The following CNTN1 variants were observed in gnomAD, a reference collection of about 807,000 sequenced individuals.
CNTN1 encodes contactin-1.
In CNTN1, 38 loss-of-function variants were observed where a neutral mutation model predicts 126.4. The observed-to-expected ratio is 0.30, with a 90% CI of 0.23 to 0.39. CNTN1 has a LOEUF of 0.39. Among genes scored for constraint, CNTN1 ranks in the 10% least tolerant of loss-of-function variants. The pLI, the probability that CNTN1 is intolerant of heterozygous loss-of-function variation, is 1.00. For missense variants in CNTN1, 1,009 were observed against 1,248.4 expected, an observed-to-expected ratio of 0.81 and a Z score of 2.89; for synonymous variants, 413 against 422.6, an observed-to-expected ratio of 0.98 and a Z score of 0.28.
intron 6 of CNTN1, among the ~76,000 whole-genome samples, chr12:40,929,482 TC>T (rs1466969788): frequency 6.6e-6 from 1 of 152,070 alleles, no homozygotes; most frequent in Non-Finnish European, 1.5e-5. Flanking sequence ...TTCTTAATAG[TC>T]ATGACATTCT....
rs540042686 is a variant in CNTN1 at position 40,750,993 on chromosome 12, A to C, written c.-77+58401A>C. 7.2e-5 allele frequency among the ~76,000 whole-genome samples: 11 copies of C among 152,236 alleles called. No homozygotes were observed. The East Asian group carries it at 2.1e-3, about 29-fold the overall frequency. Reference sequence around the variant, plus strand: ...CTTGAAGAATTTCATTATTTGTTTAAATAATGGAAGAGGAGCCAGCACAGG... The same window carrying C: ...CTTGAAGAATTTCATTATTTGTTTACATAATGGAAGAGGAGCCAGCACAGG... On this transcript the variant is annotated intron_variant, in intron 1 of 23. Coordinates refer to ENST00000551295, the MANE Select transcript of CNTN1 (RefSeq NM_001843.4).
At chr12:40,903,349 A>G (rs1261063692) in intron 1 of CNTN1, among the ~76,000 whole-genome samples, 5 of 150,628 alleles carry the variant, frequency 3.3e-5, no homozygotes, top group African/African-American at 1.2e-4. Flanking sequence ...GAGAAGAAAC[A>G]AGTCTGCTCC....
chr12:40,855,884 C>G (rs1942890109), intron 1 of CNTN1, among the ~76,000 whole-genome samples: 2 of 152,062 alleles, frequency 1.3e-5, no homozygotes, highest in African/African-American at 4.8e-5. Flanking sequence ...TTGTTGAATG[C>G]AAAGAAATGG....
chr12:40,910,656 C>T (rs556759541), intron 3 of CNTN1, among the ~76,000 whole-genome samples: 4 of 152,180 alleles, frequency 2.6e-5, no homozygotes, highest in South Asian at 2.1e-4. Flanking sequence ...CCTGAATTTG[C>T]ATTTTCAGCT....
intron 15 of CNTN1, among the ~76,000 whole-genome samples, chr12:40,963,659 T>G (rs1947189370): frequency 6.6e-6 from 1 of 152,094 alleles, no homozygotes; most frequent in African/African-American, 2.4e-5. Flanking sequence ...AACCAGGTAT[T>G]ACACTTCAGA....
chr12:40,708,382 A>T (rs1211310636), intron 1 of CNTN1, among the ~76,000 whole-genome samples: 1 of 152,240 alleles, frequency 6.6e-6, no homozygotes, highest in Admixed American at 6.5e-5. Context: ...GTCTAAGAAA[A>T]TGTACACTCC....
At chr12:40,780,201 G>A (rs1394350449) in intron 1 of CNTN1, among the ~76,000 whole-genome samples, 1 of 151,834 alleles carries the variant, frequency 6.6e-6, no homozygotes, top group East Asian at 1.9e-4. Context: ...ATTTTAAGAA[G>A]TTGCTACAAT....
At chr12:40,717,395 A>T (rs1565639539) in intron 1 of CNTN1, among the ~76,000 whole-genome samples, 1 of 152,194 alleles carries the variant, frequency 6.6e-6, no homozygotes, top group Non-Finnish European at 1.5e-5. Context: ...CTTTTCACAT[A>T]AAGGGCTTTG....
At chr12:40,952,495 T>C (rs1251367814) in intron 14 of CNTN1, among the ~76,000 whole-genome samples, 2 of 152,086 alleles carry the variant, frequency 1.3e-5, no homozygotes, top group African/African-American at 4.8e-5. Flanking sequence ...GCAGTAACAA[T>C]AGAAGTTATA....
rs11179136 is a variant in CNTN1, at chr12:40,942,861, T to C, written c.1380-736T>C. On this transcript the variant is annotated intron_variant, in intron 12 of 23. Transcript: ENST00000551295. Reference sequence around the variant, plus strand: ...TGAAGATTTTTATCAGTAAGGTAGATAGTTTTGCTTCTTTTATCAGACTTT... The same window carrying C: ...TGAAGATTTTTATCAGTAAGGTAGACAGTTTTGCTTCTTTTATCAGACTTT... Among the ~76,000 whole-genome samples the C allele has an allele frequency of 5.3e-5, 8 of 152,178 alleles. No individual in the cohort carries two copies. The East Asian group carries it at 1.3e-3, about 26-fold the overall frequency.
chr12:40,983,275 G>C (rs1947867628), intron 16 of CNTN1, among the ~76,000 whole-genome samples: 1 of 151,904 alleles, frequency 6.6e-6, no homozygotes, highest in African/African-American at 2.4e-5. Context: ...CAGTTTGATA[G>C]TCTCTGCCTT....
At chr12:40,863,437 A>G (rs1389430969) in intron 1 of CNTN1, among the ~76,000 whole-genome samples, 2 of 152,212 alleles carry the variant, frequency 1.3e-5, no homozygotes, top group Admixed American at 1.3e-4. Context: ...TAAGTATTTG[A>G]CATAGTAAAG....
At chr12:40,762,133 A>G (rs1938887693) in intron 1 of CNTN1, among the ~76,000 whole-genome samples, 1 of 152,220 alleles carries the variant, frequency 6.6e-6, no homozygotes, top group Non-Finnish European at 1.5e-5. Flanking sequence ...ATATTTAAAG[A>G]AAGCTAGACT....
chr12:41,040,396 T>A (rs1214629113), intron 23 of CNTN1, among the ~76,000 whole-genome samples: 3 of 152,028 alleles, frequency 2.0e-5, no homozygotes, highest in Non-Finnish European at 4.4e-5. Context: ...CAAAGTTAAA[T>A]AGTGAGGTAA....
intron 16 of CNTN1, among the ~76,000 whole-genome samples, chr12:40,983,427 A>G (rs1947871475): frequency 6.6e-6 from 1 of 151,186 alleles, no homozygotes; most frequent in African/African-American, 2.4e-5. Flanking sequence ...AGAAGTGAGC[A>G]TTTTCTAGTG....
intron 1 of CNTN1, among the ~76,000 whole-genome samples, chr12:40,830,784 GTATA>G (rs1941785924): frequency 2.3e-5 from 2 of 86,452 alleles, no homozygotes; most frequent in African/African-American, 8.7e-5. Context: ...GAGGGAGAAA[GTATA>G]GTGTATATAT....
intron 14 of CNTN1, among the ~76,000 whole-genome samples, chr12:40,958,351 ATGTGTGTG>A (rs34419027): frequency 1.1e-3 from 169 of 147,146 alleles, no homozygotes; most frequent in African/African-American, 1.6e-3. Flanking sequence ...GTGTGTATAT[ATGTGTGTG>A]TGTGTGTGTG....
At chr12:41,032,800 T>A (rs192581265) in intron 23 of CNTN1, among the ~76,000 whole-genome samples, 2 of 152,236 alleles carry the variant, frequency 1.3e-5, no homozygotes, top group Non-Finnish European at 2.9e-5. Flanking sequence ...GTTTATCATG[T>A]CTCTCCATCC....
At chr12:40,866,838 C>G (rs1057276337) in intron 1 of CNTN1, among the ~76,000 whole-genome samples, 1 of 152,080 alleles carries the variant, frequency 6.6e-6, no homozygotes, top group African/African-American at 2.4e-5. Context: ...ACTGATTTCT[C>G]CACCTTGCTA....
Sources: allele counts gnomAD v4.1 joint callset (sites outside exome capture counted in the v4.1 genomes callset), GRCh38; gene constraint gnomAD v4.1.1; transcripts MANE v1.5; gene names NCBI Gene and HGNC (gene_info 2026-07-23, HGNC 2026-07-21).